Variants in PFKFB3 observed in about 807,000 individuals in gnomAD.
PFKFB3 encodes the protein 6-phosphofructo-2-kinase/fructose-2,6-bisphosphatase 3.
A neutral mutation model predicts 68.0 loss-of-function variants in PFKFB3; 33 were observed. The ratio of observed to expected loss-of-function variants is 0.49; its 90% CI spans 0.37 to 0.65. The LOEUF (loss-of-function observed/expected upper bound fraction) is 0.65. Among genes scored for constraint, PFKFB3 ranks in the 30% least tolerant of loss-of-function variants. The pLI, the probability that PFKFB3 is intolerant of heterozygous loss-of-function variation, is 0.00. For missense variants in PFKFB3, 586 were observed against 712.2 expected (o/e 0.82, Z 2.02); for synonymous variants, 315 against 288.2 (o/e 1.09, Z -0.94).
chr10:6,262,405 A>C, the PFKFB3 span, among the ~76,000 whole-genome samples: 6 of 147,528 alleles, frequency 4.1e-5, no homozygotes, highest in Non-Finnish European at 7.4e-5. Context: ...CAGTGAGCAG[A>C]GATCACACCA....
the PFKFB3 span, among the ~76,000 whole-genome samples, chr10:6,298,260 TAACCTCGGA>T: frequency 6.6e-6 from 1 of 151,996 alleles, no homozygotes; most frequent in African/African-American, 2.4e-5. Context: ...TCTCCTAGGG[TAACCTCGGA>T]TTACCCTAGG....
the PFKFB3 span, among the ~76,000 whole-genome samples, chr10:6,317,222 G>A: frequency 6.6e-6 from 1 of 152,196 alleles, no homozygotes; most frequent in South Asian, 2.1e-4. Flanking sequence ...CTAGCAAGGG[G>A]CAATGGTTGC....
the PFKFB3 span, among the ~76,000 whole-genome samples, chr10:6,272,156 C>G: frequency 6.6e-6 from 1 of 152,152 alleles, no homozygotes; most frequent in South Asian, 2.1e-4. Context: ...CAAAGCACCC[C>G]GAGTTCACAG....
chr10:6,294,964 G>GT, the PFKFB3 span, among the ~76,000 whole-genome samples: 66 of 142,888 alleles, frequency 4.6e-4, no homozygotes, highest in East Asian at 1.4e-3. Context: ...TTCAGAAGGT[G>GT]TTTTTTTTTT....
At chr10:6,247,021 C>G (rs538439848) in intron 14 of PFKFB3, among the ~76,000 whole-genome samples, 5 of 152,212 alleles carry the variant, frequency 3.3e-5, no homozygotes, top group Non-Finnish European at 7.3e-5. Context: ...AAGTCCCAAA[C>G]GAAGTCAGAT....
the PFKFB3 span, among the ~76,000 whole-genome samples, chr10:6,325,284 T>C: frequency 6.6e-6 from 1 of 152,188 alleles, no homozygotes; most frequent in Admixed American, 6.5e-5. Context: ...TTTTTAAAAA[T>C]AAAATGTAAG....
chr10:6,263,795 C>T, the PFKFB3 span, among the ~76,000 whole-genome samples: 5 of 152,230 alleles, frequency 3.3e-5, no homozygotes, highest in South Asian at 2.1e-4. Context: ...AAACGATTCT[C>T]GTGCCTTGGC....
intron 1 of PFKFB3, among the ~76,000 whole-genome samples, chr10:6,188,542 A>G (rs1338334915): frequency 6.6e-6 from 1 of 151,982 alleles, no homozygotes; most frequent in Non-Finnish European, 1.5e-5. Context: ...AAATGTGTAC[A>G]GTTCAGTAGT....
intron 1 of PFKFB3, among the ~76,000 whole-genome samples, chr10:6,188,460 A>T (rs888981620): frequency 1.3e-5 from 2 of 151,380 alleles, no homozygotes; most frequent in African/African-American, 4.9e-5. Flanking sequence ...ATTTTTTTTT[A>T]AACATTTTTT....
intron 1 of PFKFB3, among the ~76,000 whole-genome samples, chr10:6,203,724 C>G (rs919804250): frequency 2.0e-5 from 3 of 152,154 alleles, no homozygotes; most frequent in African/African-American, 7.2e-5. Context: ...CCCTTTTCAC[C>G]GTCCGGATCT....
chr10:6,315,942 G>A, the PFKFB3 span, among the ~76,000 whole-genome samples: 2 of 152,120 alleles, frequency 1.3e-5, no homozygotes, highest in African/African-American at 2.4e-5. Flanking sequence ...CTTTAAGAAT[G>A]GAATCCAGAA....
At chr10:6,208,552 C>G (rs1425807002) in intron 1 of PFKFB3, among the ~76,000 whole-genome samples, 1 of 152,006 alleles carries the variant, frequency 6.6e-6, no homozygotes, top group Non-Finnish European at 1.5e-5. Context: ...TGCTGGTGTT[C>G]TAGCTTAAGG....
chr10:6,242,744 C>T lies in PFKFB3; in HGVS notation c.1516-11434C>T, dbSNP rs183182420. Reference sequence around the variant, plus strand: ...CTAGAATTACAGGTGCACACTACCACACCCAGCTAATTTTTGTATTTTTCA... The same window carrying T: ...CTAGAATTACAGGTGCACACTACCATACCCAGCTAATTTTTGTATTTTTCA... On this transcript the variant is annotated intron_variant, in intron 14 of 14. Coordinates refer to the PFKFB3 transcript ENST00000640683. Among the ~76,000 whole-genome samples, 505 of 152,282 alleles carry T rather than the reference C, an allele frequency of 3.3e-3. 1 individual carries two copies. The highest frequency in any genetic ancestry group is 4.6e-3 in the Non-Finnish European group (315 of 68,028).
Position 6,217,193 on chromosome 10 carries a change from T to C in PFKFB3, c.498+2T>C, listed in dbSNP as rs1481271766. 5.6e-6 allele frequency: 9 copies of C among 1,613,704 alleles called. No homozygotes were observed. The Admixed American group carries it at 1.5e-4, about 27-fold the overall frequency. Reference sequence around the variant, plus strand: ...ACAGTTGTGGCCTCCAATATCATGGTAAGACAGCCGGGAGCCCCGTGCTTC... The same window carrying C: ...ACAGTTGTGGCCTCCAATATCATGGCAAGACAGCCGGGAGCCCCGTGCTTC... On this transcript the variant is annotated splice_donor_variant, in intron 6 of 14. Coordinates refer to ENST00000379775, the MANE Select transcript of PFKFB3 (RefSeq NM_004566.4). LOFTEE classifies it high-confidence loss of function.
chr10:6,147,192 A>G (rs1349585622), intron 1 of PFKFB3, among the ~76,000 whole-genome samples: 1 of 152,166 alleles, frequency 6.6e-6, no homozygotes, highest in Non-Finnish European at 1.5e-5. Flanking sequence ...CGGCACGTCA[A>G]CCCTGCACTG....
rs1557111 is a variant in PFKFB3 at position 6,219,741 on chromosome 10, T to G, written c.623+48T>G. On this transcript the variant is annotated intron_variant, in intron 7 of 14. Transcript: ENST00000379775. Reference sequence around the variant, plus strand: ...TCTGCAAGACCCACATGAGGGTTCTTACTGAATTCTTGATGTTCCCACAAA... The same window carrying G: ...TCTGCAAGACCCACATGAGGGTTCTGACTGAATTCTTGATGTTCCCACAAA... 6,288 of 1,592,956 alleles carry G rather than the reference T, an allele frequency of 3.9e-3. 25 individuals carry two copies. The highest frequency in any genetic ancestry group is 6.0e-3 in the Admixed American group (351 of 58,766).
the PFKFB3 span, among the ~76,000 whole-genome samples, chr10:6,265,593 C>T: frequency 6.6e-6 from 1 of 152,098 alleles, no homozygotes; most frequent in African/African-American, 2.4e-5. Context: ...ACCCCACCTG[C>T]CTCTTGCGGG....
At chr10:6,187,633 T>G (rs552096594) in intron 1 of PFKFB3, among the ~76,000 whole-genome samples, 23 of 152,338 alleles carry the variant, frequency 1.5e-4, no homozygotes, top group African/African-American at 5.1e-4. Flanking sequence ...CATTGGTGTT[T>G]GAAATATTAG....
At chr10:6,299,053 C>G in the PFKFB3 span, among the ~76,000 whole-genome samples, 1 of 152,262 alleles carries the variant, frequency 6.6e-6, no homozygotes, top group Middle Eastern at 3.4e-3. Context: ...TGATTGCCTC[C>G]TCTTTAGGTT....
Sources: allele counts gnomAD v4.1 joint callset (sites outside exome capture counted in the v4.1 genomes callset), GRCh38; gene constraint gnomAD v4.1.1; transcripts MANE v1.5; gene names NCBI Gene and HGNC (gene_info 2026-07-23, HGNC 2026-07-21).